The following ILRUN variants were observed in gnomAD, a reference collection of about 807,000 sequenced individuals.
ILRUN encodes the protein inflammation and lipid regulator with UBA-like and NBR1-like domains.
ILRUN carries 3 observed loss-of-function variants against 33.8 expected under a neutral mutation model. The ratio of observed to expected loss-of-function variants is 0.09; its 90% CI spans 0.04 to 0.23. The LOEUF is 0.23. Among genes scored for constraint, ILRUN ranks in the 10% least tolerant of loss-of-function variants. The pLI, the probability that ILRUN is intolerant of heterozygous loss-of-function variation, is 1.00. For missense variants in ILRUN, 210 were observed against 375.1 expected (o/e 0.56, Z 3.64); for synonymous variants, 124 against 138.9 (o/e 0.89, Z 0.75).
intron 2 of ILRUN, among the ~76,000 whole-genome samples, chr6:34,649,207 A>G (rs1311131147): frequency 1.4e-4 from 22 of 152,340 alleles, no homozygotes; most frequent in Non-Finnish European, 4.4e-5. Flanking sequence ...AGTGTTATCA[A>G]TGATACATAC....
chr6:34,662,124 CA>C (rs57423564), intron 1 of ILRUN, among the ~76,000 whole-genome samples: 266 of 39,920 alleles, frequency 6.7e-3, no homozygotes, highest in East Asian at 0.025. Context: ...GACTCCGTCT[CA>C]AAAAAAAAAA....
chr6:34,644,174 C>G (rs1272880320), intron 3 of ILRUN, among the ~76,000 whole-genome samples: 1 of 152,120 alleles, frequency 6.6e-6, no homozygotes, highest in Non-Finnish European at 1.5e-5. Flanking sequence ...TAAAACAAGA[C>G]TAGCGTTCTT....
At chr6:34,599,358 T>C (rs923807802) in intron 4 of ILRUN, among the ~76,000 whole-genome samples, 10 of 152,192 alleles carry the variant, frequency 6.6e-5, no homozygotes, top group African/African-American at 2.2e-4. Flanking sequence ...AACTCAGCCC[T>C]TGGACCTCTA....
chr6:34,636,293 G>A (rs568209925), intron 3 of ILRUN, among the ~76,000 whole-genome samples: 1 of 152,024 alleles, frequency 6.6e-6, no homozygotes, highest in Non-Finnish European at 1.5e-5. Context: ...GAGGCCAGTA[G>A]GCTCACAACA....
intron 3 of ILRUN, among the ~76,000 whole-genome samples, chr6:34,640,683 C>G (rs1762456525): frequency 6.6e-6 from 1 of 151,858 alleles, no homozygotes; most frequent in Non-Finnish European, 1.5e-5. Flanking sequence ...GCACTCCAGG[C>G]TGGTGACAGA....
At chr6:34,663,264 A>T (rs950388077) in intron 1 of ILRUN, among the ~76,000 whole-genome samples, 4 of 152,026 alleles carry the variant, frequency 2.6e-5, no homozygotes, top group Non-Finnish European at 4.4e-5. Flanking sequence ...TCTACAAAAA[A>T]ATTGAAAAAT....
chr6:34,620,317 G>A (rs143543734), intron 3 of ILRUN, among the ~76,000 whole-genome samples: 1 of 152,144 alleles, frequency 6.6e-6, no homozygotes, highest in Admixed American at 6.5e-5. Flanking sequence ...CACAAGGCAG[G>A]TGCTCAATAA....
intron 1 of ILRUN, chr6:34,687,195 A>T (rs900422230): frequency 2.6e-5 from 4 of 152,222 alleles, no homozygotes; most frequent in African/African-American, 7.2e-5. Flanking sequence ...TTTGGGAGGG[A>T]ATAAACTAGA....
At chr6:34,616,407 T>C (rs1038571113) in intron 3 of ILRUN, 14 of 511,626 alleles carry the variant, frequency 2.7e-5, no homozygotes, top group South Asian at 6.2e-5. Flanking sequence ...TACAGGCTCA[T>C]ATTTCATCTC....
chr6:34,653,884 T>G (rs968411667), intron 2 of ILRUN, among the ~76,000 whole-genome samples: 1 of 148,956 alleles, frequency 6.7e-6, no homozygotes, highest in Non-Finnish European at 1.5e-5. Flanking sequence ...GGCAGGAGGA[T>G]CGCCTGAGCC....
chr6:34,619,284 G>A (rs192220385), intron 3 of ILRUN, among the ~76,000 whole-genome samples: 7 of 151,972 alleles, frequency 4.6e-5, no homozygotes, highest in Non-Finnish European at 1.0e-4. Flanking sequence ...TCATCAGTAG[G>A]TACACAGAAT....
intron 4 of ILRUN, chr6:34,596,040 G>T: frequency 3.1e-6 from 2 of 636,262 alleles, no homozygotes; most frequent in Non-Finnish European, 3.9e-6. Context: ...CTGCTCACAG[G>T]CCTGGCCTGG....
chr6:34,642,825 CAAAAAAAAAAAAAAAA>C, intron 3 of ILRUN, among the ~76,000 whole-genome samples: 1 of 42,986 alleles, frequency 2.3e-5, no homozygotes, highest in South Asian at 1.2e-3. Context: ...CCGTCTCTAC[CAAAAAAAAAAAAAAAA>C]AAAAAAAAAG....
intron 1 of ILRUN, among the ~76,000 whole-genome samples, chr6:34,694,524 T>C (rs1386381327): frequency 6.6e-6 from 1 of 152,212 alleles, no homozygotes; most frequent in Non-Finnish European, 1.5e-5. Flanking sequence ...AACCCATGTC[T>C]CTCTGACTAA....
intron 1 of ILRUN, chr6:34,686,465 A>G (rs1187078249): frequency 6.6e-6 from 1 of 150,784 alleles, no homozygotes; most frequent in Non-Finnish European, 1.5e-5. Flanking sequence ...GCGCCACCGC[A>G]CTCCAGCCCG....
At chr6:34,637,328 T>C (rs1762384259) in intron 3 of ILRUN, among the ~76,000 whole-genome samples, 1 of 152,228 alleles carries the variant, frequency 6.6e-6, no homozygotes, top group Non-Finnish European at 1.5e-5. Context: ...GTTTTACAAC[T>C]ATTTATTTTC....
intron 4 of ILRUN, among the ~76,000 whole-genome samples, chr6:34,602,265 C>G (rs547472075): frequency 1.3e-5 from 2 of 151,960 alleles, no homozygotes; most frequent in Non-Finnish European, 2.9e-5. Context: ...AAAGAACAGC[C>G]CCTCGATTCT....
chr6:34,691,375 A>T (rs530701440), intron 1 of ILRUN, among the ~76,000 whole-genome samples: 1 of 152,254 alleles, frequency 6.6e-6, no homozygotes, highest in South Asian at 2.1e-4. Flanking sequence ...TTACATACTC[A>T]CTTAGGAACT....
At chr6:34,624,400 T>A (rs1271696621) in intron 3 of ILRUN, among the ~76,000 whole-genome samples, 1 of 152,116 alleles carries the variant, frequency 6.6e-6, no homozygotes, top group African/African-American at 2.4e-5. Context: ...GTCGGCTGAC[T>A]GCAACCTCCA....
Sources: allele counts gnomAD v4.1 joint callset (sites outside exome capture counted in the v4.1 genomes callset), GRCh38; gene constraint gnomAD v4.1.1; transcripts MANE v1.5; gene names NCBI Gene and HGNC (gene_info 2026-07-23, HGNC 2026-07-21).